LOXL2: variants seen among roughly 807,000 people sequenced by gnomAD.
LOXL2 encodes the protein lysyl oxidase homolog 2.
In LOXL2, 70 loss-of-function variants were observed where a neutral mutation model predicts 93.0. That is an observed-to-expected ratio of 0.75 (90% CI 0.62 to 0.92). The LOEUF (loss-of-function observed/expected upper bound fraction) is 0.92, where lower values mean the gene tolerates loss of function less well. Among genes scored for constraint, LOXL2 ranks in the 40% least tolerant of loss-of-function variants. The pLI, the probability that LOXL2 is intolerant of heterozygous loss-of-function variation, is 0.00. For missense variants in LOXL2, 973 were observed against 1,054.9 expected (o/e 0.92, Z 1.08); for synonymous variants, 438 against 413.2 (o/e 1.06, Z -0.73).
At position 23,299,374 on chromosome 8, in the gene LOXL2, C is replaced by T. The variant is rs1267477757; in HGVS notation, c.2134-427G>A. ...GCCTGGGCGTTGGAGATGGGACACT[C>T]GTCACAGGCGTGTGACTGTGGACAT... On this transcript the variant is annotated intron_variant, in intron 12 of 13. Coordinates refer to ENST00000389131, the MANE Select transcript of LOXL2 (RefSeq NM_002318.3). Among the ~76,000 whole-genome samples, 4 of 152,152 alleles carry T rather than the reference C, an allele frequency of 2.6e-5. No individual in the cohort carries two copies. The South Asian group carries it at 6.2e-4, about 24-fold the overall frequency.
intron 6 of LOXL2, among the ~76,000 whole-genome samples, chr8:23,324,115 G>A (rs1803541863): frequency 6.6e-6 from 1 of 152,212 alleles, no homozygotes; most frequent in Non-Finnish European, 1.5e-5. Flanking sequence ...CTCAAACAGT[G>A]TTTGTGGATT....
intron 2 of LOXL2, chr8:23,364,541 T>C (rs557068181): frequency 6.6e-6 from 1 of 152,308 alleles, no homozygotes; most frequent in South Asian, 2.1e-4. Flanking sequence ...CAAGTTAGAC[T>C]GTGTGGGGTC....
intron 1 of LOXL2, among the ~76,000 whole-genome samples, chr8:23,388,667 ACACT>A (rs1462232047): frequency 6.7e-4 from 83 of 124,790 alleles, no homozygotes; most frequent in African/African-American, 1.2e-3. Context: ...ACACACACAC[ACACT>A]AGAAATGTAC....
intron 4 of LOXL2, among the ~76,000 whole-genome samples, chr8:23,339,320 C>T (rs923931037): frequency 1.3e-5 from 2 of 152,186 alleles, no homozygotes; most frequent in East Asian, 1.9e-4. Context: ...CTGCAGACAG[C>T]ACCACCCACC....
At chr8:23,337,854 G>T (rs529380740) in intron 4 of LOXL2, among the ~76,000 whole-genome samples, 2 of 152,206 alleles carry the variant, frequency 1.3e-5, no homozygotes, top group African/African-American at 4.8e-5. Flanking sequence ...AGCAGGCCTT[G>T]GTGAGGAGCC....
intron 9 of LOXL2, among the ~76,000 whole-genome samples, 165 bp from the exon 10 acceptor site, chr8:23,310,076 C>T (rs1166383066): frequency 6.6e-6 from 1 of 152,210 alleles, no homozygotes; most frequent in Non-Finnish European, 1.5e-5. Context: ...ACCCTGAATT[C>T]CTCTTTTCCT....
rs768691707 is a variant in LOXL2 at position 23,309,757 on chromosome 8, C to T, written c.1791G>A (p.Leu597=). Residue 597 remains leucine, a synonymous_variant, in exon 10 of 14, where the codon CTG becomes CTA. Transcript: ENST00000389131. ...TDPTTGYRRL[L]RFSSQIHNNG... is the part of the protein sequence containing the mutation. ...TGTTGTGGATCTGGGAGGAGAAGCG[C>T]AGGAGCCGGCGGTAGCCCGTGGTGG... is the stretch of plus-strand genomic sequence containing the variant. 2.5e-6 allele frequency: 4 copies of T among 1,601,790 alleles called. No individual in the cohort carries two copies. Among genetic ancestry groups the T allele is most frequent in the Non-Finnish European group, 3.4e-6 (4 of 1,174,560 alleles).
Position 23,341,219 on chromosome 8 carries a change from C to A in LOXL2, c.532-16G>T, listed in dbSNP as rs11781891. Reference sequence around the variant, plus strand: ...TATTCAGGTTCTGGGAAGAAAGAGGCGTGGAAGGAGAGGGTTACCCTACTG... The same window carrying A: ...TATTCAGGTTCTGGGAAGAAAGAGGAGTGGAAGGAGAGGGTTACCCTACTG... On this transcript the variant is annotated splice_polypyrimidine_tract_variant and intron_variant, in intron 3 of 13. Coordinates refer to ENST00000389131, the MANE Select transcript of LOXL2 (RefSeq NM_002318.3). 0.16 allele frequency: 248,743 copies of A among 1,602,732 alleles called. 19,932 individuals are homozygous for A. The highest frequency in any genetic ancestry group is 0.19 in the Middle Eastern group (922 of 4,850).
rs73673361 is a variant in LOXL2 at position 23,302,217 on chromosome 8, G to T, written c.1997-54C>A. The stretch of plus-strand genomic sequence containing the variant: ...ACCAGGGAACCATGGCCCCACTGCC[G>T]CACCCTCTTCCTGCTTCCAAGGCCC... On this transcript the variant is annotated intron_variant, in intron 11 of 13. Coordinates refer to ENST00000389131, the MANE Select transcript of LOXL2 (RefSeq NM_002318.3). The T allele has an allele frequency of 5.4e-4, 866 of 1,602,700 alleles. 6 individuals are homozygous for T. The African/African-American group carries it at 0.01, about 19-fold the overall frequency.
At chr8:23,314,646 G>A (rs1001001161) in intron 9 of LOXL2, among the ~76,000 whole-genome samples, 3 of 151,686 alleles carry the variant, frequency 2.0e-5, no homozygotes, top group South Asian at 4.2e-4. Context: ...ACTGTTGTGG[G>A]GTGCGGGGAG....
intron 3 of LOXL2, among the ~76,000 whole-genome samples, chr8:23,347,919 G>A (rs890375253): frequency 6.6e-6 from 1 of 152,140 alleles, no homozygotes; most frequent in Admixed American, 6.5e-5. Flanking sequence ...GTTTACTGCA[G>A]CACTATTCAC....
At chr8:23,392,272 A>G (rs1250777802) in intron 1 of LOXL2, among the ~76,000 whole-genome samples, 2 of 152,196 alleles carry the variant, frequency 1.3e-5, no homozygotes, top group Non-Finnish European at 2.9e-5. Context: ...CTAAGAGCCC[A>G]TGATCTGGAT....
chr8:23,370,616 T>C (rs1276253053), intron 1 of LOXL2: 3 of 152,250 alleles, frequency 2.0e-5, no homozygotes, highest in South Asian at 2.1e-4. Context: ...TCCAGAGAGA[T>C]GGGAAGGGCA....
chr8:23,386,428 C>T (rs1281228108), intron 1 of LOXL2, among the ~76,000 whole-genome samples: 1 of 152,140 alleles, frequency 6.6e-6, no homozygotes, highest in Non-Finnish European at 1.5e-5. Context: ...TATAAGTGCT[C>T]TGTGTCTCTT....
intron 10 of LOXL2, among the ~76,000 whole-genome samples, chr8:23,305,303 G>T (rs1477306879): frequency 6.6e-6 from 1 of 152,206 alleles, no homozygotes; most frequent in Admixed American, 6.5e-5. Flanking sequence ...CCACTGCTGG[G>T]CTTCCTGCAG....
chr8:23,303,976 C>G (rs536026758), intron 10 of LOXL2, among the ~76,000 whole-genome samples: 1 of 152,278 alleles, frequency 6.6e-6, no homozygotes, highest in South Asian at 2.1e-4. Context: ...TGCTTCAGAC[C>G]TGGTCAGGAA....
chr8:23,385,373 A>G (rs1404883228), intron 1 of LOXL2, among the ~76,000 whole-genome samples: 2 of 150,184 alleles, frequency 1.3e-5, no homozygotes, highest in African/African-American at 4.9e-5. Flanking sequence ...CAGCCTCCCA[A>G]GTAGCTGGGA....
intron 1 of LOXL2, among the ~76,000 whole-genome samples, chr8:23,378,676 T>G (rs1210976503): frequency 6.6e-6 from 1 of 152,236 alleles, no homozygotes; most frequent in East Asian, 1.9e-4. Flanking sequence ...TCTTCTCGCT[T>G]CATTTCATTC....
intron 2 of LOXL2, among the ~76,000 whole-genome samples, chr8:23,361,762 C>A (rs1052107255): frequency 2.6e-5 from 4 of 152,140 alleles, no homozygotes; most frequent in African/African-American, 9.7e-5. Context: ...ATCGCTTGAA[C>A]CCGGGAGACA....
Sources: allele counts gnomAD v4.1 joint callset (sites outside exome capture counted in the v4.1 genomes callset), GRCh38; gene constraint gnomAD v4.1.1; transcripts MANE v1.5; gene names NCBI Gene and HGNC (gene_info 2026-07-23, HGNC 2026-07-21).